IMMP2L: variants seen among roughly 807,000 people sequenced by gnomAD.
IMMP2L encodes the protein mitochondrial inner membrane protease subunit 2.
Under a neutral mutation model 19.3 loss-of-function variants are expected in IMMP2L, and 18 were observed. That is an observed-to-expected ratio of 0.93 (90% CI 0.64 to 1.38). The LOEUF is 1.38. IMMP2L is among the 40% of genes most tolerant of loss of function. IMMP2L has a pLI of 0.00. For synonymous variants in IMMP2L, 76 were observed against 73.0 expected, an observed-to-expected ratio of 1.04 and a Z score of -0.21; for missense variants, 233 against 218.2, an observed-to-expected ratio of 1.07 and a Z score of -0.43.
intron 3 of IMMP2L, among the ~76,000 whole-genome samples, chr7:111,135,520 C>T (rs1802249919): frequency 6.6e-6 from 1 of 152,116 alleles, no homozygotes; most frequent in Non-Finnish European, 1.5e-5. Flanking sequence ...AAAGCTAACC[C>T]TGTGATCTTT....
intron 3 of IMMP2L, among the ~76,000 whole-genome samples, chr7:111,019,431 G>T (rs1826053108): frequency 6.6e-6 from 1 of 152,122 alleles, no homozygotes; most frequent in African/African-American, 2.4e-5. Context: ...AAACTGCAGT[G>T]GTTGAGAGTC....
chr7:111,505,668 T>C (rs1448864524), intron 2 of IMMP2L, among the ~76,000 whole-genome samples: 3 of 152,094 alleles, frequency 2.0e-5, no homozygotes, highest in South Asian at 4.2e-4. Flanking sequence ...ATGTCCTTTG[T>C]AGGGACATGG....
chr7:111,186,918 C>T (rs1808330265), intron 3 of IMMP2L, among the ~76,000 whole-genome samples: 1 of 151,960 alleles, frequency 6.6e-6, no homozygotes, highest in African/African-American at 2.4e-5. Flanking sequence ...TTTTCTGTAA[C>T]TTCCCCCTCG....
chr7:111,429,261 C>A (rs1279048427), intron 3 of IMMP2L, among the ~76,000 whole-genome samples: 4 of 151,860 alleles, frequency 2.6e-5, no homozygotes, highest in Admixed American at 1.3e-4. Context: ...AGGGGGTAAG[C>A]ATGCCTATAG....
intron 4 of IMMP2L, among the ~76,000 whole-genome samples, chr7:110,934,308 A>T (rs915254106): frequency 6.6e-6 from 1 of 152,182 alleles, no homozygotes; most frequent in African/African-American, 2.4e-5. Context: ...AGAAGAATGT[A>T]CATTTTGTTG....
At chr7:111,343,254 T>C (rs185983227) in intron 3 of IMMP2L, among the ~76,000 whole-genome samples, 2 of 152,212 alleles carry the variant, frequency 1.3e-5, no homozygotes, top group South Asian at 2.1e-4. Context: ...CACAACATTA[T>C]ATCTAAGTTC....
chr7:111,144,023 T>A (rs1803211688), intron 3 of IMMP2L, among the ~76,000 whole-genome samples: 1 of 152,280 alleles, frequency 6.6e-6, no homozygotes, highest in South Asian at 2.1e-4. Flanking sequence ...TGCAACATTG[T>A]CAAATAAAAT....
chr7:110,989,706 A>C lies in IMMP2L; in HGVS notation c.240-26141T>G, dbSNP rs1345222496. On this transcript the variant is annotated intron_variant, in intron 3 of 5. Coordinates refer to ENST00000405709, the MANE Select transcript of IMMP2L (RefSeq NM_032549.4). ...ATATAACTAAATATACACCAATGACAAAATTTTAAAGCTGTTTTACAATAA... is the reference window on the plus strand; with the variant it reads ...ATATAACTAAATATACACCAATGACCAAATTTTAAAGCTGTTTTACAATAA... Among the ~76,000 whole-genome samples the C allele has an allele frequency of 2.0e-5, 3 of 151,236 alleles. No individual in the cohort carries two copies. In the East Asian group the frequency reaches 5.8e-4, roughly 29 times the overall value.
chr7:111,517,045 C>CA (rs1323908617), intron 2 of IMMP2L, among the ~76,000 whole-genome samples: 1 of 152,024 alleles, frequency 6.6e-6, no homozygotes, highest in African/African-American at 2.4e-5. Context: ...TCCAGCTTCT[C>CA]AGAGTTCAAA....
chr7:111,298,928 T>A (rs1048520206), intron 3 of IMMP2L, among the ~76,000 whole-genome samples: 1 of 151,814 alleles, frequency 6.6e-6, no homozygotes, highest in Non-Finnish European at 1.5e-5. Flanking sequence ...AATAAAGGGG[T>A]TAATATTGAT....
intron 3 of IMMP2L, among the ~76,000 whole-genome samples, chr7:111,038,008 A>G (rs931080137): frequency 6.6e-6 from 1 of 152,172 alleles, no homozygotes; most frequent in South Asian, 2.1e-4. Flanking sequence ...TCTGTCCCAT[A>G]GGCCAGTGTG....
At chr7:111,515,412 C>T (rs1364148761) in intron 2 of IMMP2L, among the ~76,000 whole-genome samples, 1 of 152,070 alleles carries the variant, frequency 6.6e-6, no homozygotes, top group Non-Finnish European at 1.5e-5. Flanking sequence ...AATTTCTGTT[C>T]CAATTTCCTG....
chr7:111,530,952 A>G (rs1055298495), intron 1 of IMMP2L, among the ~76,000 whole-genome samples: 4 of 151,694 alleles, frequency 2.6e-5, no homozygotes, highest in African/African-American at 9.7e-5. Context: ...ATAAGACTGA[A>G]TATTAATTTT....
intron 3 of IMMP2L, among the ~76,000 whole-genome samples, chr7:111,166,580 T>C (rs981387085): frequency 6.6e-6 from 1 of 151,958 alleles, no homozygotes; most frequent in Non-Finnish European, 1.5e-5. Flanking sequence ...GCCCCACACA[T>C]ACTGTATTAG....
At chr7:111,486,606 A>T (rs1842675147) in intron 3 of IMMP2L, among the ~76,000 whole-genome samples, 1 of 152,110 alleles carries the variant, frequency 6.6e-6, no homozygotes, top group South Asian at 2.1e-4. Flanking sequence ...AACAAACAAA[A>T]ATCTCCAAAC....
At chr7:110,704,244 C>T (rs1001590316) in intron 5 of IMMP2L, among the ~76,000 whole-genome samples, 1 of 152,190 alleles carries the variant, frequency 6.6e-6, no homozygotes, top group South Asian at 2.1e-4. Flanking sequence ...GGGGAAAAAT[C>T]GCCAATTTAA....
intron 5 of IMMP2L, among the ~76,000 whole-genome samples, chr7:110,817,678 A>G (rs1158223484): frequency 6.6e-6 from 1 of 152,096 alleles, no homozygotes; most frequent in African/African-American, 2.4e-5. Flanking sequence ...CAAAAGAACA[A>G]AGCCGGAAGC....
At chr7:111,182,043 A>C (rs576662394) in intron 3 of IMMP2L, among the ~76,000 whole-genome samples, 89 of 152,186 alleles carry the variant, frequency 5.8e-4, no homozygotes, top group African/African-American at 2.0e-3. Flanking sequence ...AATAAAAAAC[A>C]TAAAAAGAGG....
At chr7:110,750,115 T>C (rs1797629819) in intron 5 of IMMP2L, among the ~76,000 whole-genome samples, 1 of 152,072 alleles carries the variant, frequency 6.6e-6, no homozygotes, top group South Asian at 2.1e-4. Flanking sequence ...CAATTTGAAA[T>C]GATATAGTTA....
Sources: gnomAD v4.1 joint callset for allele counts (sites outside exome capture counted in the v4.1 genomes callset) on GRCh38, gnomAD v4.1.1 for gene constraint, MANE v1.5 for transcripts, NCBI Gene and HGNC (gene_info 2026-07-23, HGNC 2026-07-21) for gene names.